EXOC4: variants seen among roughly 807,000 people sequenced by gnomAD.
The protein encoded by EXOC4 is exocyst complex component 4.
In EXOC4, 71 loss-of-function variants were observed where a neutral mutation model predicts 107.2. The observed-to-expected ratio is 0.66, with a 90% CI of 0.55 to 0.81. EXOC4 has a LOEUF of 0.81. Ranked by LOEUF, EXOC4 falls within the 30% of genes least tolerant of loss-of-function variation. The probability of loss-of-function intolerance (pLI) is 0.00; values close to 1 mark genes in which losing one functional copy is unlikely to be tolerated. For synonymous variants in EXOC4, 456 were observed against 441.2 expected (o/e 1.03, Z -0.42); for missense variants, 1,108 against 1,189.6 (o/e 0.93, Z 1.01).
chr7:133,709,645 C>CTTTTTTTTTTTTTT (rs147956984), intron 10 of EXOC4, among the ~76,000 whole-genome samples: 1 of 118,144 alleles, frequency 8.5e-6, no homozygotes, highest in South Asian at 2.9e-4. Context: ...AATCTGTTTT[C>CTTTTTTTTTTTTTT]TTTTTTTTTT....
chr7:133,524,831 A>C (rs904758496), intron 9 of EXOC4, among the ~76,000 whole-genome samples: 2 of 152,046 alleles, frequency 1.3e-5, no homozygotes, highest in African/African-American at 4.8e-5. Context: ...CATACCTTTC[A>C]GTTCTTACTA....
At chr7:133,722,827 T>G (rs925757873) in intron 10 of EXOC4, among the ~76,000 whole-genome samples, 2 of 152,218 alleles carry the variant, frequency 1.3e-5, no homozygotes, top group African/African-American at 4.8e-5. Context: ...TGCCCTTACC[T>G]CGTAAATTCA....
intron 10 of EXOC4, among the ~76,000 whole-genome samples, chr7:133,736,681 GTCC>G (rs1420165881): frequency 2.0e-5 from 3 of 152,078 alleles, no homozygotes; most frequent in Non-Finnish European, 4.4e-5. Context: ...CATTGTCTTT[GTCC>G]TCTTTTGACT....
chr7:133,548,798 G>A (rs1800532509), intron 9 of EXOC4, among the ~76,000 whole-genome samples: 1 of 152,146 alleles, frequency 6.6e-6, no homozygotes, highest in Non-Finnish European at 1.5e-5. Context: ...CTTCTATCCA[G>A]ACCACTAAAA....
chr7:133,404,900 A>G (rs1318533379), intron 7 of EXOC4, among the ~76,000 whole-genome samples: 7 of 4,866 alleles, frequency 1.4e-3, no homozygotes, highest in Middle Eastern at 0.1. Context: ...ACACACACAC[A>G]CACGCACACA....
chr7:133,356,718 C>T (rs985116856), intron 6 of EXOC4, 145 bp downstream of exon 6: 11 of 934,472 alleles, frequency 1.2e-5, no homozygotes, highest in African/African-American at 1.2e-4. Flanking sequence ...CAGTGGCTCA[C>T]GCCTGTTATC....
At chr7:133,576,956 G>A in intron 9 of EXOC4, 1 of 925,834 alleles carries the variant, frequency 1.1e-6, no homozygotes, top group Non-Finnish European at 1.5e-6. Flanking sequence ...GTGGGTAGGT[G>A]AGTGAGAGTG....
chr7:133,560,189 G>A (rs972918056), intron 9 of EXOC4, among the ~76,000 whole-genome samples: 7 of 152,100 alleles, frequency 4.6e-5, no homozygotes, highest in East Asian at 3.9e-4. Context: ...AGCATGTCAC[G>A]TTCCAGTATA....
chr7:133,766,953 A>T (rs1469554953), intron 10 of EXOC4, among the ~76,000 whole-genome samples: 1 of 151,826 alleles, frequency 6.6e-6, no homozygotes, highest in African/African-American at 2.4e-5. Flanking sequence ...TTCTACCTCT[A>T]CAGATATCTT....
chr7:133,667,613 G>A (rs1793850093), intron 10 of EXOC4, among the ~76,000 whole-genome samples: 1 of 152,150 alleles, frequency 6.6e-6, no homozygotes, highest in Non-Finnish European at 1.5e-5. Context: ...GTATTCCATG[G>A]ATCTTCTTGT....
chr7:133,254,221 A>T (rs1321511937), intron 1 of EXOC4, among the ~76,000 whole-genome samples: 1 of 152,198 alleles, frequency 6.6e-6, no homozygotes, highest in East Asian at 1.9e-4. Flanking sequence ...TCACTGACAA[A>T]GACACATCTT....
intron 10 of EXOC4, among the ~76,000 whole-genome samples, chr7:133,753,817 C>T (rs1231745400): frequency 2.0e-5 from 3 of 152,140 alleles, no homozygotes; most frequent in Non-Finnish European, 4.4e-5. Context: ...GCCTGTTTTA[C>T]AGAGGACTCA....
rs560747079 is a variant in EXOC4 at position 133,396,989 on chromosome 7, T to G, written c.1182+21987T>G. Among the ~76,000 whole-genome samples the G allele has an allele frequency of 3.3e-5, 5 of 152,320 alleles. No individual in the cohort carries two copies. In the East Asian group the frequency reaches 9.6e-4, roughly 29 times the overall value. ...ATTTCATTGACTTGTACCTTTGCTG[T>G]TTGTCACAACAATAATCATGATTCT... On this transcript the variant is annotated intron_variant, in intron 7 of 17. Transcript: ENST00000253861.
At chr7:133,268,149 A>T (rs929912222) in intron 1 of EXOC4, among the ~76,000 whole-genome samples, 1 of 152,206 alleles carries the variant, frequency 6.6e-6, no homozygotes, top group Non-Finnish European at 1.5e-5. Context: ...TTATTGTCTT[A>T]CCTGTTTTAC....
chr7:133,938,866 A>G (rs1437046577), intron 14 of EXOC4, among the ~76,000 whole-genome samples: 1 of 152,174 alleles, frequency 6.6e-6, no homozygotes, highest in Non-Finnish European at 1.5e-5. Flanking sequence ...GCAGTGGCAC[A>G]ATCTCAGCTC....
At chr7:133,278,006 G>A (rs1276781818) in intron 2 of EXOC4, among the ~76,000 whole-genome samples, 1 of 152,250 alleles carries the variant, frequency 6.6e-6, no homozygotes, top group South Asian at 2.1e-4. Flanking sequence ...TTGAGAATGT[G>A]TAGATCTGAG....
chr7:133,549,505 G>A (rs1463665066), intron 9 of EXOC4, among the ~76,000 whole-genome samples: 3 of 152,126 alleles, frequency 2.0e-5, no homozygotes, highest in African/African-American at 7.2e-5. Flanking sequence ...TTGTATGAGT[G>A]TGGTTCGTGG....
intron 9 of EXOC4, among the ~76,000 whole-genome samples, chr7:133,534,176 A>G (rs984850949): frequency 2.6e-5 from 4 of 152,134 alleles, no homozygotes; most frequent in African/African-American, 9.7e-5. Context: ...GGTTCTATGT[A>G]TTCATGTTTT....
chr7:133,974,524 T>C (rs1389717246), intron 14 of EXOC4, among the ~76,000 whole-genome samples: 2 of 152,208 alleles, frequency 1.3e-5, no homozygotes, highest in Non-Finnish European at 2.9e-5. Context: ...GTAATATTAT[T>C]TGATCGGTAG....
Sources: allele counts gnomAD v4.1 joint callset (sites outside exome capture counted in the v4.1 genomes callset), GRCh38; gene constraint gnomAD v4.1.1; transcripts MANE v1.5; gene names NCBI Gene and HGNC (gene_info 2026-07-23, HGNC 2026-07-21).